The following CSMD3 variants were observed in gnomAD, a reference collection of about 807,000 sequenced individuals.
CSMD3 encodes the protein CUB and Sushi multiple domains 3, also known as CUB and sushi domain-containing protein 3.
CSMD3 carries 177 observed loss-of-function variants against 435.2 expected under a neutral mutation model. The ratio of observed to expected loss-of-function variants is 0.41; its 90% CI spans 0.36 to 0.46. The LOEUF (loss-of-function observed/expected upper bound fraction) is 0.46, where lower values mean the gene tolerates loss of function less well. CSMD3 is among the 20% of genes least tolerant of loss of function. The pLI is 0.34. For missense variants in CSMD3, 4,265 were observed against 4,504.6 expected (o/e 0.95, Z 1.52); for synonymous variants, 1,656 against 1,520.5 (o/e 1.09, Z -2.07).
At chr8:113,341,251 A>G (rs1185108262) in intron 1 of CSMD3, among the ~76,000 whole-genome samples, 1 of 152,172 alleles carries the variant, frequency 6.6e-6, no homozygotes, top group Non-Finnish European at 1.5e-5. Context: ...TTTAATATAC[A>G]ATACCTTGCT....
At chr8:113,242,661 A>G (rs1396428425) in intron 3 of CSMD3, among the ~76,000 whole-genome samples, 1 of 152,026 alleles carries the variant, frequency 6.6e-6, no homozygotes, top group Non-Finnish European at 1.5e-5. Context: ...AATAGAAATT[A>G]ATTGATTTTT....
At chr8:113,154,046 T>A (rs1005985042) in intron 4 of CSMD3, among the ~76,000 whole-genome samples, 2 of 152,008 alleles carry the variant, frequency 1.3e-5, no homozygotes, top group African/African-American at 2.4e-5. Context: ...CATATTTAAA[T>A]TATATACTTT....
intron 32 of CSMD3, among the ~76,000 whole-genome samples, chr8:112,466,151 A>G (rs1817936443): frequency 6.6e-6 from 1 of 152,198 alleles, no homozygotes; most frequent in Non-Finnish European, 1.5e-5. Flanking sequence ...GTACTGTTAA[A>G]AAGTGAAGTG....
At chr8:112,871,609 A>G (rs969687697) in intron 10 of CSMD3, among the ~76,000 whole-genome samples, 3 of 152,110 alleles carry the variant, frequency 2.0e-5, no homozygotes, top group Non-Finnish European at 2.9e-5. Flanking sequence ...AAGGAAAGAA[A>G]GTGCAAACAA....
chr8:113,270,061 T>G (rs1367439837), intron 3 of CSMD3, among the ~76,000 whole-genome samples: 1 of 151,498 alleles, frequency 6.6e-6, no homozygotes, highest in African/African-American at 2.4e-5. Context: ...TGCAATCTAC[T>G]CATCTGACAA....
chr8:113,256,526 T>C (rs1428735790), intron 3 of CSMD3, among the ~76,000 whole-genome samples: 1 of 152,212 alleles, frequency 6.6e-6, no homozygotes, highest in Non-Finnish European at 1.5e-5. Flanking sequence ...TCTTCAGAAG[T>C]AAACAATTGG....
intron 68 of CSMD3, among the ~76,000 whole-genome samples, chr8:112,234,131 A>T (rs73706795): frequency 6.6e-6 from 1 of 151,280 alleles, no homozygotes; most frequent in South Asian, 2.1e-4. Flanking sequence ...ACCCTCCCCC[A>T]CACACACGTA....
At chr8:112,671,107 T>C (rs2131728983) in intron 16 of CSMD3, among the ~76,000 whole-genome samples, 1 of 152,198 alleles carries the variant, frequency 6.6e-6, no homozygotes, top group Admixed American at 6.5e-5. Flanking sequence ...TTCCTAGGTT[T>C]TAGTGGAAAA....
intron 22 of CSMD3, among the ~76,000 whole-genome samples, chr8:112,624,986 C>G (rs1798928615): frequency 6.6e-6 from 1 of 150,672 alleles, no homozygotes; most frequent in South Asian, 2.1e-4. Flanking sequence ...ATTGTAAGAT[C>G]AATAAATACA....
intron 5 of CSMD3, among the ~76,000 whole-genome samples, chr8:113,020,846 T>A (rs999057113): frequency 4.8e-4 from 73 of 152,270 alleles, no homozygotes; most frequent in Non-Finnish European, 2.1e-4. Context: ...TCTGTCATTG[T>A]ATATGTAATC....
intron 45 of CSMD3, among the ~76,000 whole-genome samples, chr8:112,326,537 T>A (rs987072025): frequency 1.3e-5 from 2 of 152,178 alleles, no homozygotes; most frequent in Admixed American, 6.6e-5. Context: ...ATATTACCAG[T>A]TAAGAGGGAG....
At chr8:112,238,515 G>A (rs1813812339) in intron 66 of CSMD3, among the ~76,000 whole-genome samples, 2 of 151,942 alleles carry the variant, frequency 1.3e-5, no homozygotes, top group Admixed American at 6.6e-5. Context: ...AAGCAATATA[G>A]CTCCTTACTT....
chr8:112,405,224 T>TATATATATATATAC (rs1831714608), intron 35 of CSMD3, among the ~76,000 whole-genome samples: 1 of 58,338 alleles, frequency 1.7e-5, no homozygotes, highest in African/African-American at 6.5e-5. Context: ...CATATATATA[T>TATATATATATATAC]ATATATATAT....
intron 10 of CSMD3, among the ~76,000 whole-genome samples, chr8:112,878,540 A>G (rs192749095): frequency 2.5e-4 from 38 of 152,268 alleles, no homozygotes; most frequent in Admixed American, 3.9e-4. Flanking sequence ...CAGAAATACC[A>G]TTTGATCCAG....
chr8:112,263,618 G>A (rs1816648435), intron 61 of CSMD3, 21 bp downstream of exon 61: 2 of 1,608,460 alleles, frequency 1.2e-6, no homozygotes, highest in African/African-American at 1.3e-5. Flanking sequence ...AGTAACAGTT[G>A]TTAGTAGAAA....
chr8:113,323,586 A>T (rs1383046113), intron 1 of CSMD3, among the ~76,000 whole-genome samples: 1 of 152,204 alleles, frequency 6.6e-6, no homozygotes, highest in Admixed American at 6.5e-5. Context: ...AATTAACAAC[A>T]TGAATGTACT....
At chr8:113,248,488 T>C (rs966342397) in intron 3 of CSMD3, among the ~76,000 whole-genome samples, 3 of 137,022 alleles carry the variant, frequency 2.2e-5, no homozygotes, top group Non-Finnish European at 4.8e-5. Flanking sequence ...TATATATACA[T>C]ATATATACAC....
chr8:113,080,060 G>A (rs1182610315), intron 5 of CSMD3, among the ~76,000 whole-genome samples: 1 of 152,022 alleles, frequency 6.6e-6, no homozygotes, highest in East Asian at 1.9e-4. Flanking sequence ...CTCTCTTAGG[G>A]GAAGGACAGA....
chr8:113,249,674 C>T (rs1245526312), intron 3 of CSMD3, among the ~76,000 whole-genome samples: 3 of 151,722 alleles, frequency 2.0e-5, no homozygotes, highest in East Asian at 1.9e-4. Context: ...AAAAGAAATT[C>T]GACTGCCTTA....
Sources: gnomAD v4.1 joint callset for allele counts (sites outside exome capture counted in the v4.1 genomes callset) on GRCh38, gnomAD v4.1.1 for gene constraint, MANE v1.5 for transcripts, NCBI Gene and HGNC (gene_info 2026-07-23, HGNC 2026-07-21) for gene names.